Variants in HACD2 observed in about 807,000 individuals in gnomAD.
HACD2 encodes the protein very-long-chain (3R)-3-hydroxyacyl-CoA dehydratase 2.
HACD2 carries 15 observed loss-of-function variants against 31.0 expected under a neutral mutation model. The observed-to-expected ratio is 0.48, with a 90% confidence interval of 0.32 to 0.75. The LOEUF is 0.75. HACD2 is among the 30% of genes least tolerant of loss of function. The pLI is 0.03. For synonymous variants in HACD2, 115 were observed against 122.2 expected, an observed-to-expected ratio of 0.94 and a Z score of 0.39; for missense variants, 283 against 313.0, an observed-to-expected ratio of 0.90 and a Z score of 0.72.
intron 3 of HACD2, among the ~76,000 whole-genome samples, chr3:123,554,414 T>TCCAGG: frequency 6.6e-6 from 1 of 151,920 alleles, no homozygotes; most frequent in Non-Finnish European, 1.5e-5. Context: ...GGCAGAAGGA[T>TCCAGG]CACTTGAGCC....
chr3:123,562,536 T>C (rs2056744773), intron 3 of HACD2, among the ~76,000 whole-genome samples: 1 of 152,236 alleles, frequency 6.6e-6, no homozygotes, highest in African/African-American at 2.4e-5. Context: ...TATGAGATTA[T>C]GTTGCTTAAG....
At chr3:123,497,904 T>G (rs1257603891) in intron 6 of HACD2, among the ~76,000 whole-genome samples, 2 of 152,192 alleles carry the variant, frequency 1.3e-5, no homozygotes, top group Non-Finnish European at 2.9e-5. Context: ...CACTAAAGAT[T>G]AAAAGAACGC....
Position 123,574,547 on chromosome 3 carries a change from C to CT in HACD2, c.274-6768dup, listed in dbSNP as rs2056888053. Among the ~76,000 whole-genome samples the CT allele has an allele frequency of 2.6e-5, 4 of 152,262 alleles. No homozygotes were observed. In the South Asian group the frequency reaches 8.3e-4, roughly 32 times the overall value. ...TAACAGGATTTGTAGATGTAAAACT[C>CT]TATTTCTCTTTAAATCGAAAAATAA... On this transcript the variant is annotated intron_variant, in intron 2 of 6. Transcript: ENST00000383657.
At chr3:123,521,118 A>G (rs1204491632) in intron 4 of HACD2, among the ~76,000 whole-genome samples, 1 of 152,180 alleles carries the variant, frequency 6.6e-6, no homozygotes, top group African/African-American at 2.4e-5. Flanking sequence ...GACACATCTT[A>G]TGCTTGAAGA....
At chr3:123,501,368 A>T (rs2055900089) in intron 5 of HACD2, among the ~76,000 whole-genome samples, 1 of 152,230 alleles carries the variant, frequency 6.6e-6, no homozygotes, top group Non-Finnish European at 1.5e-5. Context: ...TTCCACAAAG[A>T]ATTCAGAGAG....
intron 5 of HACD2, among the ~76,000 whole-genome samples, chr3:123,501,440 G>C (rs1455840878): frequency 1.3e-5 from 2 of 152,232 alleles, no homozygotes; most frequent in Admixed American, 6.5e-5. Context: ...CATCAGCTCA[G>C]ACTTTAAACA....
intron 3 of HACD2, among the ~76,000 whole-genome samples, chr3:123,559,450 T>A (rs1473451887): frequency 6.6e-6 from 1 of 152,224 alleles, no homozygotes; most frequent in Non-Finnish European, 1.5e-5. Context: ...ACTACTCAGA[T>A]CATTGACATT....
intron 2 of HACD2, among the ~76,000 whole-genome samples, chr3:123,575,537 T>C (rs1300871990): frequency 6.6e-6 from 1 of 152,260 alleles, no homozygotes; most frequent in African/African-American, 2.4e-5. Flanking sequence ...TATTGGACAG[T>C]GCTAGTCTGA....
intron 3 of HACD2, among the ~76,000 whole-genome samples, chr3:123,566,539 C>T (rs1354822365): frequency 6.6e-6 from 1 of 151,858 alleles, no homozygotes; most frequent in South Asian, 2.1e-4. Context: ...CTGCCTCAGC[C>T]TCCCAAGGTG....
At chr3:123,548,283 C>T (rs748479075) in intron 3 of HACD2, among the ~76,000 whole-genome samples, 36 of 152,012 alleles carry the variant, frequency 2.4e-4, no homozygotes, top group Non-Finnish European at 4.7e-4. Context: ...CTCTCTTAGA[C>T]CTCTTCTCTT....
intron 3 of HACD2, among the ~76,000 whole-genome samples, chr3:123,559,192 A>C (rs1295068941): frequency 2.6e-5 from 4 of 152,190 alleles, no homozygotes; most frequent in South Asian, 4.1e-4. Flanking sequence ...ATTAGAAGTC[A>C]TCCCGAAGCC....
chr3:123,583,299 C>G (rs1022352249), intron 1 of HACD2, among the ~76,000 whole-genome samples: 44 of 152,292 alleles, frequency 2.9e-4, no homozygotes, highest in African/African-American at 1.0e-3. Flanking sequence ...GTTCATTGCT[C>G]AGGAATAGAC....
At chr3:123,510,184 T>C (rs1009136617) in intron 4 of HACD2, among the ~76,000 whole-genome samples, 1 of 152,184 alleles carries the variant, frequency 6.6e-6, no homozygotes, top group Non-Finnish European at 1.5e-5. Flanking sequence ...GTAACCACTA[T>C]TCTATTTTCT....
Position 123,582,343 on chromosome 3 carries a change from A to C in HACD2, c.156-14T>G. The C allele has an allele frequency of 6.6e-7, 1 of 1,522,934 alleles. No homozygotes were observed. The highest frequency in any genetic ancestry group is 1.2e-5 in the South Asian group (1 of 80,658). 94.3% of individuals were successfully genotyped at this position (1,522,934 alleles called of 1,614,324 possible). ...ATAACCAGCCACCTAGTAAAAGAGA[A>C]AACAGCAATCAGGAAAAAATAAAAA... On this transcript the variant is annotated splice_polypyrimidine_tract_variant and intron_variant, in intron 1 of 6. Transcript: ENST00000383657.
intron 4 of HACD2, among the ~76,000 whole-genome samples, chr3:123,519,326 C>G (rs2056184788): frequency 6.6e-6 from 1 of 152,200 alleles, no homozygotes. Context: ...AAAGAGTCCT[C>G]TCTCTGGAAA....
At chr3:123,554,006 T>TC (rs1559925801) in intron 3 of HACD2, among the ~76,000 whole-genome samples, 1 of 83,408 alleles carries the variant, frequency 1.2e-5, no homozygotes, top group African/African-American at 4.5e-5. Context: ...GACTTTTTTT[T>TC]CCCTTAAATT....
chr3:123,570,159 C>A (rs1351682029), intron 2 of HACD2, among the ~76,000 whole-genome samples: 1 of 152,078 alleles, frequency 6.6e-6, no homozygotes, highest in African/African-American at 2.4e-5. Flanking sequence ...CCTTTTTAAT[C>A]ACACATATTT....
At chr3:123,568,761 T>C (rs887844519) in intron 2 of HACD2, among the ~76,000 whole-genome samples, 1 of 152,242 alleles carries the variant, frequency 6.6e-6, no homozygotes, top group Non-Finnish European at 1.5e-5. Context: ...TAACAGCTAC[T>C]GTAGGGCATT....
At chr3:123,499,696 T>G (rs1486309973) in intron 6 of HACD2, 1 of 454,754 alleles carries the variant, frequency 2.2e-6, no homozygotes, top group Admixed American at 2.4e-5. Context: ...GATTCAGAGT[T>G]ACAGTGGTTA....
Sources: gnomAD v4.1 joint callset for allele counts (sites outside exome capture counted in the v4.1 genomes callset) on GRCh38, gnomAD v4.1.1 for gene constraint, MANE v1.5 for transcripts, NCBI Gene and HGNC (gene_info 2026-07-23, HGNC 2026-07-21) for gene names.